Variants in DSCAM observed in about 807,000 individuals in gnomAD.
The protein encoded by DSCAM is DS cell adhesion molecule.
In DSCAM, 47 loss-of-function variants were observed where a neutral mutation model predicts 217.7. That is an observed-to-expected ratio of 0.22 (90% CI 0.17 to 0.28). The LOEUF (loss-of-function observed/expected upper bound fraction) is 0.28, where lower values mean the gene tolerates loss of function less well. Among genes scored for constraint, DSCAM ranks in the 10% least tolerant of loss-of-function variants. The pLI, the probability that DSCAM is intolerant of heterozygous loss-of-function variation, is 1.00. For missense variants in DSCAM, 2,080 were observed against 2,618.3 expected (o/e 0.79, Z 4.49); for synonymous variants, 1,056 against 1,015.3 (o/e 1.04, Z -0.76).
intron 3 of DSCAM, among the ~76,000 whole-genome samples, chr21:40,654,958 T>C (rs1299593965): frequency 2.0e-5 from 3 of 152,144 alleles, no homozygotes; most frequent in African/African-American, 7.2e-5. Context: ...GGGTTAAGGA[T>C]ACCCCCTCAG....
At chr21:40,379,385 G>C (rs575787265) in intron 3 of DSCAM, among the ~76,000 whole-genome samples, 3 of 152,190 alleles carry the variant, frequency 2.0e-5, no homozygotes, top group African/African-American at 7.2e-5. Flanking sequence ...ATAAATTTAG[G>C]ATGATGTTGC....
intron 2 of DSCAM, among the ~76,000 whole-genome samples, chr21:40,693,513 T>C (rs1056609175): frequency 3.3e-5 from 5 of 152,040 alleles, no homozygotes; most frequent in African/African-American, 1.2e-4. Flanking sequence ...AATAGCTTCA[T>C]GAAAGAAAAG....
At chr21:40,629,553 T>C (rs2089659126) in intron 3 of DSCAM, 1 of 152,220 alleles carries the variant, frequency 6.6e-6, no homozygotes, top group Non-Finnish European at 1.5e-5. Flanking sequence ...GTTCTCTTTT[T>C]CTCAGTGCTC....
chr21:40,072,923 A>C (rs2837423), intron 27 of DSCAM, among the ~76,000 whole-genome samples: 19,519 of 152,224 alleles, frequency 0.13, 1,410 homozygotes, highest in East Asian at 0.28. Flanking sequence ...CTTTACCAAA[A>C]CCAACTGCAA....
In DSCAM at chr21:40,226,583, C is replaced by T. The variant is rs2091334718; in HGVS notation, c.2357-37345G>A. ...GGCAACAAAATGTCCCAAACCCATG[C>T]AGCCCTCCACAAAGACCTCATTGTG... On this transcript the variant is annotated intron_variant, in intron 11 of 32. Transcript: ENST00000400454. 2.0e-5 allele frequency among the ~76,000 whole-genome samples: 3 copies of T among 152,242 alleles called. No homozygotes were observed. The South Asian group carries it at 6.2e-4, about 32-fold the overall frequency.
chr21:40,612,426 G>A (rs923518465), intron 3 of DSCAM, among the ~76,000 whole-genome samples: 3 of 152,078 alleles, frequency 2.0e-5, no homozygotes, highest in African/African-American at 7.2e-5. Flanking sequence ...CATGTGGATG[G>A]GACACTTGGC....
At chr21:40,658,487 T>C (rs1207481771) in intron 3 of DSCAM, among the ~76,000 whole-genome samples, 1 of 152,176 alleles carries the variant, frequency 6.6e-6, no homozygotes, top group African/African-American at 2.4e-5. Context: ...TAGGTCACAG[T>C]GAGCTGAGAA....
chr21:40,070,441 GAGAA>G (rs149803355), intron 27 of DSCAM, among the ~76,000 whole-genome samples: 2,386 of 152,216 alleles, frequency 0.016, 61 homozygotes, highest in African/African-American at 0.054. Flanking sequence ...GAAAGACAAA[GAGAA>G]AGAAAGAAAG....
In DSCAM at chr21:40,144,170, G is replaced by A. The variant is rs544062221; in HGVS notation, c.3259+321C>T. The stretch of plus-strand genomic sequence containing the variant: ...AAGTTTTTTAGCAAATAGCATTTCT[G>A]CATTCTCGTGAGACTTCTGCAGTAA... On this transcript the variant is annotated intron_variant, in intron 17 of 32. Coordinates refer to ENST00000400454, the MANE Select transcript of DSCAM (RefSeq NM_001389.5). This position sits in a 1 kb window ranked among gnomAD's most constrained non-coding sequence, Gnocchi z 4.8. 6.6e-5 allele frequency among the ~76,000 whole-genome samples: 10 copies of A among 152,360 alleles called. No individual in the cohort carries two copies. In the East Asian group the frequency reaches 1.7e-3, roughly 26 times the overall value.
intron 3 of DSCAM, among the ~76,000 whole-genome samples, chr21:40,371,628 T>A (rs1412686663): frequency 1.3e-5 from 2 of 152,194 alleles, no homozygotes; most frequent in African/African-American, 4.8e-5. Context: ...TCTAGGAACA[T>A]TTTGTTCTTG....
chr21:40,198,124 T>C (rs1187199722), intron 11 of DSCAM, among the ~76,000 whole-genome samples: 1 of 152,298 alleles, frequency 6.6e-6, no homozygotes. Context: ...CGCAAGCCTA[T>C]TGCATATTTG....
chr21:40,247,001 C>T (rs569568979), intron 11 of DSCAM, among the ~76,000 whole-genome samples: 23 of 152,260 alleles, frequency 1.5e-4, no homozygotes, highest in African/African-American at 5.5e-4. Context: ...GCACTTCTTA[C>T]ATGGTGGCAG....
chr21:40,558,384 C>G (rs1032578635), intron 3 of DSCAM, among the ~76,000 whole-genome samples: 1 of 151,574 alleles, frequency 6.6e-6, no homozygotes, highest in African/African-American at 2.4e-5. Context: ...GGAGGCGGAG[C>G]TTGCAGTGAG....
In DSCAM at chr21:40,144,407, G is replaced by T; in HGVS notation, c.3259+84C>A. 2.5e-6 allele frequency: 4 copies of T among 1,572,348 alleles called. No individual in the cohort carries two copies. The highest frequency in any genetic ancestry group is 3.5e-6 in the Non-Finnish European group (4 of 1,156,682). On this transcript the variant is annotated intron_variant, in intron 17 of 32. Transcript: ENST00000400454. This position sits in a 1 kb window ranked among gnomAD's most constrained non-coding sequence, Gnocchi z 4.8. ...CACTGCAAAGTCGTGGGGCGGGGGA[G>T]TGCGAGGTTGGGGGAGCCCCGGGGC...
intron 3 of DSCAM, among the ~76,000 whole-genome samples, chr21:40,625,060 TTAAA>T (rs1211153016): frequency 3.9e-5 from 6 of 152,192 alleles, no homozygotes; most frequent in South Asian, 2.1e-4. Context: ...CATTTTGAAG[TTAAA>T]TAAATGTTTA....
chr21:40,275,170 T>TAA (rs67678625), intron 11 of DSCAM, among the ~76,000 whole-genome samples: 2 of 121,004 alleles, frequency 1.7e-5, no homozygotes, highest in South Asian at 2.7e-4. Context: ...TATAAAAAAT[T>TAA]AAAAAAAAAA....
rs143945368 is a variant in DSCAM at position 40,013,394 on chromosome 21, G to T, written c.5687-8C>A. On this transcript the variant is annotated splice_region_variant and splice_polypyrimidine_tract_variant and intron_variant, in intron 32 of 32. Coordinates refer to ENST00000400454, the MANE Select transcript of DSCAM (RefSeq NM_001389.5). ...GCAAATGTATGAGGTCACCTAGAAG[G>T]AAAGACAGGGTAGTTAGTTGGTGTC... The T allele has an allele frequency of 2.0e-6, 3 of 1,524,742 alleles. No individual in the cohort carries two copies. Among genetic ancestry groups the T allele is most frequent in the East Asian group, 2.3e-5 (1 of 43,510 alleles). The allele number at this position is 1,524,742 out of a possible 1,614,324, so 94.5% of individuals were successfully genotyped here. A position where few individuals can be genotyped will look rare whatever the true frequency, so the allele number is the denominator to read the frequency against.
In DSCAM at chr21:40,625,030, A is replaced by T. The variant is rs1343417084; in HGVS notation, c.508+67780T>A. Among the ~76,000 whole-genome samples the T allele has an allele frequency of 2.6e-5, 4 of 152,162 alleles. No individual in the cohort carries two copies. The South Asian group carries it at 8.3e-4, about 32-fold the overall frequency. ...ATTATACAAATATATTCTCACCATA[A>T]AAAAGGCAAATAGTATATACATTTT... On this transcript the variant is annotated intron_variant, in intron 3 of 32. Transcript: ENST00000400454.
intron 3 of DSCAM, among the ~76,000 whole-genome samples, chr21:40,497,959 G>A (rs555695855): frequency 2.0e-5 from 3 of 152,136 alleles, no homozygotes; most frequent in African/African-American, 7.2e-5. Flanking sequence ...TGAAGTACTG[G>A]ATTTCGAGTA....
Sources: allele counts gnomAD v4.1 joint callset (sites outside exome capture counted in the v4.1 genomes callset), GRCh38; gene constraint gnomAD v4.1.1; non-coding constraint Gnocchi (gnomAD v3.1); transcripts MANE v1.5; gene names NCBI Gene and HGNC (gene_info 2026-07-23, HGNC 2026-07-21).